Variants in TUSC3 observed in about 807,000 individuals in gnomAD.
TUSC3 encodes tumor suppressor candidate 3, also known as dolichyl-diphosphooligosaccharide--protein glycosyltransferase subunit TUSC3.
In TUSC3, 45 loss-of-function variants were observed where a neutral mutation model predicts 44.8. The ratio of observed to expected loss-of-function variants is 1.00; its 90% CI spans 0.79 to 1.29. TUSC3 has a LOEUF of 1.29. Among genes scored for constraint, TUSC3 ranks in the 50% most tolerant of loss-of-function variants. TUSC3 has a pLI of 0.00. For missense variants in TUSC3, 519 were observed against 437.9 expected (o/e 1.19, Z -1.65); for synonymous variants, 212 against 152.9 (o/e 1.39, Z -2.85).
intron 5 of TUSC3, among the ~76,000 whole-genome samples, chr8:15,664,892 A>G (rs897084592): frequency 6.6e-6 from 1 of 150,920 alleles, no homozygotes; most frequent in Non-Finnish European, 1.5e-5. Flanking sequence ...CTTCTTTATC[A>G]TTTCTGCCTG....
intron 2 of TUSC3, among the ~76,000 whole-genome samples, chr8:15,513,998 A>T (rs1473227730): frequency 6.6e-6 from 1 of 152,050 alleles, no homozygotes; most frequent in Non-Finnish European, 1.5e-5. Context: ...ACATACAATA[A>T]AGCCCCTCTT....
chr8:15,526,575 TG>T (rs112092582), intron 2 of TUSC3, among the ~76,000 whole-genome samples: 8,583 of 152,210 alleles, frequency 0.056, 390 homozygotes, highest in African/African-American at 0.13. Flanking sequence ...CGTTTTATAA[TG>T]GGTTTCCCCT....
chr8:15,542,959 T>G (rs1801738889), intron 1 of TUSC3, among the ~76,000 whole-genome samples: 1 of 152,236 alleles, frequency 6.6e-6, no homozygotes, highest in South Asian at 2.1e-4. Flanking sequence ...GTTCTGATAC[T>G]TTACTCAATA....
intron 2 of TUSC3, among the ~76,000 whole-genome samples, chr8:15,645,187 C>G (rs1806568231): frequency 6.6e-6 from 1 of 152,104 alleles, no homozygotes; most frequent in South Asian, 2.1e-4. Flanking sequence ...TTTGCATAAT[C>G]TACTTACTTC....
chr8:15,820,310 C>CTTTTTTTTTTTTTTTTTTTTTTTTTTTT, the TUSC3 span, among the ~76,000 whole-genome samples: 1 of 97,574 alleles, frequency 1.0e-5, no homozygotes, highest in Non-Finnish European at 2.1e-5. Flanking sequence ...ATCTGTAATT[C>CTTTTTTTTTTTTTTTTTTTTTTTTTTTT]TTTTTTTTTT....
In TUSC3 at chr8:15,623,129, G is replaced by A. The variant is rs1805325913; in HGVS notation, c.188G>A (p.Arg63His). 5.6e-6 allele frequency: 9 copies of A among 1,613,760 alleles called. No homozygotes were observed. Among genetic ancestry groups the A allele is most frequent in the Non-Finnish European group, 7.6e-6 (9 of 1,179,856 alleles). The change falls in exon 2 of 11, where the codon CGC (arginine) becomes CAC (histidine). Residue 63 changes from arginine to histidine, a missense_variant. Physicochemically the swap from Arg to His is conservative, Grantham distance 29. Transcript: ENST00000503731. Reference sequence around the variant, plus strand: ...CAGCTGATGGAATGGAGTTCCAGACGCTCAATCTTCCGAATGAATGGTGAT... The same window carrying A: ...CAGCTGATGGAATGGAGTTCCAGACACTCAATCTTCCGAATGAATGGTGAT... ...VEQLMEWSSR[R>H]SIFRMNGDKF...
chr8:15,827,905 G>C, the TUSC3 span, among the ~76,000 whole-genome samples: 1 of 152,094 alleles, frequency 6.6e-6, no homozygotes, highest in African/African-American at 2.4e-5. Flanking sequence ...TGCGGGGCCA[G>C]AGGTGAACTG....
Position 15,639,603 on chromosome 8 carries a change from C to T in TUSC3, c.309-11094C>T, listed in dbSNP as rs150198683. Among the ~76,000 whole-genome samples the T allele has an allele frequency of 9.9e-3, 1,501 of 152,214 alleles. 28 individuals are homozygous for T. Among genetic ancestry groups the T allele is most frequent in the African/African-American group, 0.034 (1,430 of 41,540 alleles). On this transcript the variant is annotated intron_variant, in intron 2 of 10. Coordinates refer to ENST00000503731, the MANE Select transcript of TUSC3 (RefSeq NM_006765.4). ...ACTTTCTGCATTTTTATATCTAAAG[C>T]TGCAACTATTATATAAAGTCATAAA...
At chr8:15,689,821 GGTGTGTGT>G (rs71543657) in intron 6 of TUSC3, among the ~76,000 whole-genome samples, 3,647 of 131,034 alleles carry the variant, frequency 0.028, 62 homozygotes, top group Middle Eastern at 0.057. Flanking sequence ...AATAGTCCAT[GGTGTGTGT>G]GTGTGTGTGT....
chr8:15,548,463 C>T lies in TUSC3; in HGVS notation c.138+7895C>T, dbSNP rs542882341. On this transcript the variant is annotated intron_variant, in intron 1 of 10. Transcript: ENST00000503731. ...GGCACACAAGGACGGGAAATTTTCT[C>T]ATCCTGTCTTTGGAGTGTGTGTATG... Among the ~76,000 whole-genome samples the T allele has an allele frequency of 3.3e-4, 50 of 151,908 alleles. 2 individuals are homozygous for T. The highest frequency in any genetic ancestry group is 5.3e-4 in the Admixed American group (8 of 15,216).
chr8:15,539,987 TC>T (rs1322292832), upstream of TUSC3, among the ~76,000 whole-genome samples: 1 of 152,124 alleles, frequency 6.6e-6, no homozygotes, highest in African/African-American at 2.4e-5. Flanking sequence ...CCCCAAAGCT[TC>T]CCCTTCATCA....
intron 2 of TUSC3, among the ~76,000 whole-genome samples, chr8:15,633,599 A>G (rs2129168900): frequency 6.6e-6 from 1 of 152,188 alleles, no homozygotes; most frequent in East Asian, 1.9e-4. Context: ...TTTTTTACTA[A>G]ATTCTATTTT....
intron 2 of TUSC3, among the ~76,000 whole-genome samples, chr8:15,534,640 C>CT (rs1554510418): frequency 0.28 from 30,955 of 111,800 alleles, 4,086 homozygotes; most frequent in Non-Finnish European, 0.36. Flanking sequence ...GAGACTCGGT[C>CT]TTTAAAAAAA....
chr8:15,469,274 C>T (rs191801607), intron 1 of TUSC3, among the ~76,000 whole-genome samples: 3 of 152,292 alleles, frequency 2.0e-5, no homozygotes, highest in Admixed American at 1.3e-4. Context: ...TGATAAAGGA[C>T]TGTTATCCAA....
intron 1 of TUSC3, among the ~76,000 whole-genome samples, chr8:15,468,274 A>T (rs1800440189): frequency 6.6e-6 from 1 of 152,146 alleles, no homozygotes; most frequent in Non-Finnish European, 1.5e-5. Flanking sequence ...TGAGAGGAAA[A>T]AATTGCGTTT....
At chr8:15,718,388 G>A (rs1220752867) in intron 6 of TUSC3, among the ~76,000 whole-genome samples, 2 of 152,032 alleles carry the variant, frequency 1.3e-5, no homozygotes, top group South Asian at 4.1e-4. Context: ...ATAGAGTGCT[G>A]GAAAGATAAA....
the TUSC3 span, among the ~76,000 whole-genome samples, chr8:15,785,471 T>C: frequency 2.0e-3 from 306 of 152,014 alleles, 2 homozygotes; most frequent in African/African-American, 7.0e-3. Flanking sequence ...TTTTTTTCTA[T>C]TCAGTCACCA....
At chr8:15,600,796 C>T (rs1804254160) in intron 1 of TUSC3, among the ~76,000 whole-genome samples, 2 of 151,584 alleles carry the variant, frequency 1.3e-5, no homozygotes, top group South Asian at 4.1e-4. Flanking sequence ...ATTTTGTTAG[C>T]ATTATTGATC....
At chr8:15,567,497 C>G in intron 1 of TUSC3, among the ~76,000 whole-genome samples, 1 of 152,116 alleles carries the variant, frequency 6.6e-6, no homozygotes, top group Middle Eastern at 3.2e-3. Context: ...ACTTAAGATT[C>G]CTCTTAAATA....
Sources: allele counts gnomAD v4.1 joint callset (sites outside exome capture counted in the v4.1 genomes callset), GRCh38; gene constraint gnomAD v4.1.1; transcripts MANE v1.5; gene names NCBI Gene and HGNC (gene_info 2026-07-23, HGNC 2026-07-21).